The following QTMAN variants were observed in gnomAD, a reference collection of about 807,000 sequenced individuals.
QTMAN encodes the protein tRNA-queuosine alpha-mannosyltransferase.
chr2:144,244,602 T>C, the QTMAN span, among the ~76,000 whole-genome samples: 2 of 152,214 alleles, frequency 1.3e-5, no homozygotes, highest in African/African-American at 4.8e-5. Context: ...GATACTAATA[T>C]TGTCTTAGTA....
At chr2:144,005,001 T>C in the QTMAN span, among the ~76,000 whole-genome samples, 2 of 151,968 alleles carry the variant, frequency 1.3e-5, no homozygotes, top group Non-Finnish European at 1.5e-5. Flanking sequence ...GGGCACACAA[T>C]AGTATTAAGA....
chr2:144,166,282 T>C, the QTMAN span, among the ~76,000 whole-genome samples: 11 of 152,208 alleles, frequency 7.2e-5, no homozygotes, highest in Admixed American at 7.2e-4. Context: ...CAAACTTGTC[T>C]GCATCATTTA....
At chr2:144,107,349 T>G in the QTMAN span, among the ~76,000 whole-genome samples, 7 of 152,096 alleles carry the variant, frequency 4.6e-5, no homozygotes, top group Non-Finnish European at 1.0e-4. Flanking sequence ...ACAAAATTGA[T>G]ATACTGCTAG....
At chr2:144,096,788 C>T in the QTMAN span, among the ~76,000 whole-genome samples, 9 of 152,182 alleles carry the variant, frequency 5.9e-5, no homozygotes, top group East Asian at 1.9e-4. Flanking sequence ...AGAGTGACTG[C>T]GCATCAAAGC....
At chr2:144,303,592 TGA>T in the QTMAN span, among the ~76,000 whole-genome samples, 1 of 152,206 alleles carries the variant, frequency 6.6e-6, no homozygotes, top group African/African-American at 2.4e-5. Context: ...TTTTTTGTGA[TGA>T]GATATGTATA....
the QTMAN span, among the ~76,000 whole-genome samples, chr2:144,292,016 G>A: frequency 3.9e-5 from 6 of 152,174 alleles, no homozygotes; most frequent in African/African-American, 1.4e-4. Flanking sequence ...CTGACAACTA[G>A]TTGTCACAAG....
the QTMAN span, among the ~76,000 whole-genome samples, chr2:143,999,035 T>C: frequency 6.6e-6 from 1 of 151,980 alleles, no homozygotes; most frequent in African/African-American, 2.4e-5. Flanking sequence ...TTAAGTAACA[T>C]TGACTAAGTA....
chr2:144,183,494 C>T, the QTMAN span, among the ~76,000 whole-genome samples: 7 of 152,198 alleles, frequency 4.6e-5, no homozygotes, highest in Admixed American at 3.9e-4. Flanking sequence ...CTTTCTTTTA[C>T]AGGACAAGGG....
chr2:143,943,199 A>T, the QTMAN span: 4 of 152,102 alleles, frequency 2.6e-5, no homozygotes, highest in Admixed American at 6.6e-5. Context: ...AATTGCTCGC[A>T]TGTTTTTCAA....
chr2:144,000,125 T>C, the QTMAN span, among the ~76,000 whole-genome samples: 2 of 152,092 alleles, frequency 1.3e-5, no homozygotes, highest in Non-Finnish European at 1.5e-5. Flanking sequence ...TCTTTGGCCA[T>C]GGATTTCTTA....
the QTMAN span, among the ~76,000 whole-genome samples, chr2:143,990,788 A>C: frequency 6.6e-6 from 1 of 152,236 alleles, no homozygotes; most frequent in East Asian, 1.9e-4. Flanking sequence ...AGCAAAGAGA[A>C]ACAAGGCAGC....
At chr2:144,007,199 A>G in the QTMAN span, 3 of 1,590,512 alleles carry the variant, frequency 1.9e-6, no homozygotes, top group Non-Finnish European at 2.6e-6. Context: ...GAGGCCAGAC[A>G]ATGTGTAGCA....
At chr2:144,234,660 T>C in the QTMAN span, among the ~76,000 whole-genome samples, 1 of 152,148 alleles carries the variant, frequency 6.6e-6, no homozygotes, top group Non-Finnish European at 1.5e-5. Flanking sequence ...AGAAGACCAA[T>C]AGCTGTTATA....
chr2:144,172,533 A>G, the QTMAN span, among the ~76,000 whole-genome samples: 3 of 150,478 alleles, frequency 2.0e-5, no homozygotes, highest in Non-Finnish European at 4.4e-5. Flanking sequence ...CTGAGGCAAG[A>G]GAATTGCTTT....
chr2:144,235,462 C>T, the QTMAN span, among the ~76,000 whole-genome samples: 1 of 152,034 alleles, frequency 6.6e-6, no homozygotes, highest in Non-Finnish European at 1.5e-5. Flanking sequence ...TGTATGAATA[C>T]ATGAAATAAT....
the QTMAN span, among the ~76,000 whole-genome samples, chr2:144,163,029 G>A: frequency 1.2e-4 from 18 of 151,874 alleles, no homozygotes; most frequent in Non-Finnish European, 2.1e-4. Context: ...AAACAAACCC[G>A]GAATATGAAA....
the QTMAN span, among the ~76,000 whole-genome samples, chr2:144,001,863 T>C: frequency 1.3e-5 from 2 of 151,880 alleles, no homozygotes; most frequent in Admixed American, 6.6e-5. Flanking sequence ...ATTTAGTCTA[T>C]GAGAACTACA....
the QTMAN span, chr2:144,145,584 T>C: frequency 6.2e-7 from 1 of 1,607,904 alleles, no homozygotes; most frequent in Non-Finnish European, 8.5e-7. Flanking sequence ...TGAAAGAATT[T>C]GGTTGTATCC....
At chr2:143,941,771 C>T in the QTMAN span, 1 of 152,134 alleles carries the variant, frequency 6.6e-6, no homozygotes, top group Non-Finnish European at 1.5e-5. Flanking sequence ...CCTCCACTGT[C>T]CTTTGCTGTC....
Sources: gnomAD v4.1 joint callset for allele counts (sites outside exome capture counted in the v4.1 genomes callset) on GRCh38, gnomAD v4.1.1 for gene constraint, MANE v1.5 for transcripts, NCBI Gene and HGNC (gene_info 2026-07-23, HGNC 2026-07-21) for gene names.